Variants in IRAG1 observed in about 807,000 individuals in gnomAD.
IRAG1 encodes inositol 1,4,5-triphosphate receptor associated 1.
IRAG1 carries 62 observed loss-of-function variants against 106.2 expected under a neutral mutation model. The ratio of observed to expected loss-of-function variants is 0.58; its 90% CI spans 0.48 to 0.72. IRAG1 has a LOEUF of 0.72. Ranked by LOEUF, IRAG1 falls within the 30% of genes least tolerant of loss-of-function variation. The pLI is 0.00. For synonymous variants in IRAG1, 462 were observed against 443.9 expected (o/e 1.04, Z -0.51); for missense variants, 1,064 against 1,140.7 (o/e 0.93, Z 0.97).
At chr11:10,601,137 G>T in intron 14 of IRAG1, 78 bp from the exon 15 acceptor site, 8 of 1,573,988 alleles carry the variant, frequency 5.1e-6, no homozygotes, top group Non-Finnish European at 6.9e-6. Context: ...CTGACCTAGG[G>T]TCTGGGCTAG....
chr11:10,680,379 A>AGGAC, intron 1 of IRAG1, among the ~76,000 whole-genome samples: 1 of 74,418 alleles, frequency 1.3e-5, no homozygotes, highest in Non-Finnish European at 2.6e-5. Context: ...GAAGGAAGGA[A>AGGAC]GGAAGGAAGG....
At position 10,626,349 on chromosome 11, in the gene IRAG1, C is replaced by T. The variant is rs374661697; in HGVS notation, c.985G>A (p.Glu329Lys). Residue 329 changes from glutamate (E) to lysine (K), a missense_variant, in exon 9 of 21, where the codon GAG becomes AAG. Physicochemically the swap from Glu to Lys is moderately conservative, Grantham distance 56 (BLOSUM62 1). Transcript: ENST00000423302. ...NSPQPGPVES[E>K]LGKQLLKTGW... ...GTTTTCAAGAGCTGCTTCCCCAGCTCGCTCTCCACGGGGCCAGGCTGAGGG... is the reference window on the plus strand; with the variant it reads ...GTTTTCAAGAGCTGCTTCCCCAGCTTGCTCTCCACGGGGCCAGGCTGAGGG... The T allele has an allele frequency of 2.0e-5, 32 of 1,613,572 alleles. No homozygotes were observed. Among genetic ancestry groups the T allele is most frequent in the African/African-American group, 5.3e-5 (4 of 74,926 alleles).
intron 1 of IRAG1, among the ~76,000 whole-genome samples, chr11:10,682,964 CTGGGCCTG>C (rs1267514321): frequency 6.6e-6 from 1 of 152,190 alleles, no homozygotes; most frequent in Non-Finnish European, 1.5e-5. Flanking sequence ...CCTAGTCATA[CTGGGCCTG>C]TGGCCTGGGC....
chr11:10,669,727 T>C (rs994647993), intron 1 of IRAG1, among the ~76,000 whole-genome samples: 1 of 152,136 alleles, frequency 6.6e-6, no homozygotes, highest in African/African-American at 2.4e-5. Flanking sequence ...CAGAAAGTAG[T>C]TCCCCCCCTT....
intron 2 of IRAG1, among the ~76,000 whole-genome samples, chr11:10,648,913 G>A (rs768512007): frequency 1.3e-5 from 2 of 152,210 alleles, no homozygotes; most frequent in African/African-American, 4.8e-5. Context: ...TCATGCCAGT[G>A]ATGGGAAATA....
chr11:10,609,892 T>C (rs371353553), intron 10 of IRAG1, 41 bp from the exon 11 acceptor site: 3 of 1,608,572 alleles, frequency 1.9e-6, no homozygotes, highest in East Asian at 2.2e-5. Flanking sequence ...CTCTTTGAAA[T>C]CACAGTAGTA....
chr11:10,619,738 A>G (rs1591620274), intron 10 of IRAG1, among the ~76,000 whole-genome samples: 1 of 152,238 alleles, frequency 6.6e-6, no homozygotes, highest in African/African-American at 2.4e-5. Flanking sequence ...CTCCTTTAAA[A>G]GATGAACAAA....
chr11:10,653,557 G>A (rs1858693319), intron 1 of IRAG1, among the ~76,000 whole-genome samples: 1 of 152,130 alleles, frequency 6.6e-6, no homozygotes, highest in East Asian at 1.9e-4. Flanking sequence ...GGATAGCAAT[G>A]TAGAAAGAAC....
Position 10,628,624 on chromosome 11 carries a change from T to C in IRAG1, c.652+127A>G. ...CCCTGGAGAGGGGTCTTGCTCTGGG[T>C]GTGAAGGGGCCATCAGAGTTCTTGA... On this transcript the variant is annotated intron_variant, in intron 6 of 20. Transcript: ENST00000423302. This position sits in a 1 kb window ranked among gnomAD's most constrained non-coding sequence, Gnocchi z 4.1. 1 of 761,856 alleles carries C rather than the reference T, an allele frequency of 1.3e-6. No individual in the cohort carries two copies. Among genetic ancestry groups the C allele is most frequent in the Non-Finnish European group, 2.0e-6 (1 of 495,526 alleles). 47.2% of individuals were successfully genotyped at this position (761,856 alleles called of 1,614,324 possible).
chr11:10,594,301 A>G (rs1205427203), intron 15 of IRAG1, 106 bp from the exon 16 acceptor site: 1 of 1,070,652 alleles, frequency 9.3e-7, no homozygotes, highest in Non-Finnish European at 1.4e-6. Context: ...ACTGGCCCTC[A>G]AGGGATAGCC....
intron 1 of IRAG1, among the ~76,000 whole-genome samples, chr11:10,661,611 T>C (rs1441586284): frequency 1.3e-5 from 2 of 152,236 alleles, no homozygotes; most frequent in African/African-American, 2.4e-5. Context: ...GACCCTTTTT[T>C]CTCCATCCTC....
chr11:10,660,535 G>A (rs566126072), intron 1 of IRAG1, among the ~76,000 whole-genome samples: 13 of 152,272 alleles, frequency 8.5e-5, no homozygotes, highest in African/African-American at 2.4e-4. Context: ...AGAGCTGGCC[G>A]TGGAACATTG....
chr11:10,675,783 T>C (rs1453370564), intron 1 of IRAG1, among the ~76,000 whole-genome samples: 1 of 152,206 alleles, frequency 6.6e-6, no homozygotes, highest in African/African-American at 2.4e-5. Context: ...AGCGCCTTCC[T>C]AAGAGTGCTG....
chr11:10,609,271 A>C (rs1854740880), intron 11 of IRAG1, among the ~76,000 whole-genome samples: 1 of 152,088 alleles, frequency 6.6e-6, no homozygotes, highest in Admixed American at 6.5e-5. Flanking sequence ...CAAATCATTC[A>C]TTTGGTTACT....
At chr11:10,593,450 T>G in intron 17 of IRAG1, 42 bp downstream of exon 17, 1 of 1,553,528 alleles carries the variant, frequency 6.4e-7, no homozygotes, top group Non-Finnish European at 8.9e-7. Context: ...GGAAAGGTTA[T>G]TCTACTATTC....
At chr11:10,643,632 C>T (rs1354935296) in intron 2 of IRAG1, among the ~76,000 whole-genome samples, 1 of 152,240 alleles carries the variant, frequency 6.6e-6, no homozygotes. Flanking sequence ...ACTCCACCCT[C>T]CATTTCTTCT....
In IRAG1 at chr11:10,660,984, C is replaced by T. The variant is rs1344321195; in HGVS notation, c.68-8802G>A. Among the ~76,000 whole-genome samples, 9 of 152,314 alleles carry T rather than the reference C, an allele frequency of 5.9e-5. No individual in the cohort carries two copies. In the South Asian group the frequency reaches 1.7e-3, roughly 28 times the overall value. ...TTTGTCTCCTTACCTCTGGCCTGGT[C>T]CCTTCCAATGACCCTCCATAATGAT... On this transcript the variant is annotated intron_variant, in intron 1 of 20. Transcript: ENST00000423302.
chr11:10,672,977 A>G (rs1281816290), intron 1 of IRAG1, among the ~76,000 whole-genome samples: 1 of 152,228 alleles, frequency 6.6e-6, no homozygotes, highest in Non-Finnish European at 1.5e-5. Flanking sequence ...AATAGAATCT[A>G]TTCGGTCATA....
At chr11:10,683,232 T>C (rs75104658) in intron 1 of IRAG1, among the ~76,000 whole-genome samples, 1 of 152,100 alleles carries the variant, frequency 6.6e-6, no homozygotes, top group Non-Finnish European at 1.5e-5. Context: ...CCCTCATGTA[T>C]CCATTTGTTT....
Sources: gnomAD v4.1 joint callset for allele counts (sites outside exome capture counted in the v4.1 genomes callset) on GRCh38, gnomAD v4.1.1 for gene constraint, Gnocchi (gnomAD v3.1) non-coding constraint, MANE v1.5 for transcripts, NCBI Gene and HGNC (gene_info 2026-07-23, HGNC 2026-07-21) for gene names.